PDE4D: variants seen among roughly 807,000 people sequenced by gnomAD.
PDE4D encodes the protein 3',5'-cyclic-AMP phosphodiesterase 4D.
In PDE4D, 24 loss-of-function variants were observed where a neutral mutation model predicts 87.4. The observed-to-expected ratio is 0.27, with a 90% confidence interval of 0.20 to 0.39. The LOEUF (loss-of-function observed/expected upper bound fraction) is 0.39. PDE4D is among the 10% of genes least tolerant of loss of function. The pLI is 1.00. For missense variants in PDE4D, 714 were observed against 1,041.0 expected, an observed-to-expected ratio of 0.69 and a Z score of 4.32; for synonymous variants, 384 against 383.2, an observed-to-expected ratio of 1.00 and a Z score of -0.02.
intron 2 of PDE4D, among the ~76,000 whole-genome samples, chr5:60,071,787 T>C (rs950630213): frequency 1.3e-5 from 2 of 152,166 alleles, no homozygotes; most frequent in African/African-American, 2.4e-5. Flanking sequence ...TTTCTGTTCC[T>C]GCATTAGTTT....
intron 1 of PDE4D, among the ~76,000 whole-genome samples, chr5:59,802,320 G>T (rs1561685288): frequency 6.6e-6 from 1 of 151,000 alleles, no homozygotes; most frequent in African/African-American, 2.4e-5. Flanking sequence ...TACATACTTT[G>T]AAGCAGGAAA....
At chr5:60,468,586 TC>T (rs1466777706) in intron 1 of PDE4D, among the ~76,000 whole-genome samples, 2 of 152,048 alleles carry the variant, frequency 1.3e-5, no homozygotes, top group Non-Finnish European at 2.9e-5. Context: ...ATGTCATAGG[TC>T]ATCACACACA....
Position 59,479,641 on chromosome 5 carries a change from T to C in PDE4D, c.456-263673A>G, listed in dbSNP as rs114455257. 6.4e-3 allele frequency among the ~76,000 whole-genome samples: 967 copies of C among 152,102 alleles called. 26 individuals carry two copies. The East Asian group carries it at 0.074, about 12-fold the overall frequency. ...AGATCATCACATGTATCAGAGATCA[T>C]CACATGTAGTAAGAGTAAGCAGGAT... On this transcript the variant is annotated intron_variant, in intron 1 of 14. Transcript: ENST00000340635.
intron 1 of PDE4D, among the ~76,000 whole-genome samples, chr5:59,726,941 G>A (rs901731090): frequency 2.0e-5 from 3 of 151,980 alleles, no homozygotes; most frequent in Non-Finnish European, 4.4e-5. Flanking sequence ...CCTGCTATGT[G>A]CCAGGCAATG....
intron 1 of PDE4D, among the ~76,000 whole-genome samples, chr5:60,510,129 G>A (rs1750505959): frequency 6.6e-6 from 1 of 152,140 alleles, no homozygotes; most frequent in African/African-American, 2.4e-5. Context: ...GGCTCTGCAG[G>A]AGACCAGGGA....
chr5:60,024,675 G>GATGT (rs1766435590), intron 2 of PDE4D, among the ~76,000 whole-genome samples: 2 of 152,096 alleles, frequency 1.3e-5, no homozygotes, highest in African/African-American at 4.8e-5. Flanking sequence ...AAATTTGTAA[G>GATGT]TCATATTTTG....
chr5:59,142,974 T>C (rs1274438316), intron 5 of PDE4D, among the ~76,000 whole-genome samples: 1 of 152,138 alleles, frequency 6.6e-6, no homozygotes, highest in African/African-American at 2.4e-5. Flanking sequence ...CACTGAAAAA[T>C]ATGTTCTAAA....
chr5:59,884,225 ACTGTCT>A (rs1043853239), intron 1 of PDE4D, among the ~76,000 whole-genome samples: 3 of 151,838 alleles, frequency 2.0e-5, no homozygotes, highest in South Asian at 2.1e-4. Flanking sequence ...TATATGTAGT[ACTGTCT>A]CTGTCTCTGT....
chr5:59,020,095 T>A (rs540956800), intron 6 of PDE4D, among the ~76,000 whole-genome samples: 1 of 152,148 alleles, frequency 6.6e-6, no homozygotes, highest in East Asian at 1.9e-4. Context: ...ATTTTCCACA[T>A]GAAATTAGTA....
intron 1 of PDE4D, among the ~76,000 whole-genome samples, chr5:59,485,598 AAT>A (rs1268994914): frequency 6.6e-6 from 1 of 151,480 alleles, no homozygotes; most frequent in Non-Finnish European, 1.5e-5. Flanking sequence ...TATAAATATA[AAT>A]ATATATAAAC....
At chr5:60,218,418 G>A (rs1162396261) in intron 1 of PDE4D, among the ~76,000 whole-genome samples, 1 of 151,824 alleles carries the variant, frequency 6.6e-6, no homozygotes, top group Non-Finnish European at 1.5e-5. Flanking sequence ...TGGTTCAAGT[G>A]GTAGTTATAC....
chr5:59,269,043 C>T (rs759594500), intron 1 of PDE4D, among the ~76,000 whole-genome samples: 4 of 151,910 alleles, frequency 2.6e-5, no homozygotes, highest in Admixed American at 6.6e-5. Context: ...TTTACCTCTC[C>T]TAAAAGGCAA....
At chr5:60,393,110 G>A (rs1762662272) in intron 1 of PDE4D, among the ~76,000 whole-genome samples, 1 of 152,062 alleles carries the variant, frequency 6.6e-6, no homozygotes, top group Non-Finnish European at 1.5e-5. Flanking sequence ...ATAACAGAGG[G>A]GTCAGTCAAT....
At chr5:60,066,367 A>G (rs959947948) in intron 2 of PDE4D, among the ~76,000 whole-genome samples, 3 of 151,854 alleles carry the variant, frequency 2.0e-5, no homozygotes, top group Non-Finnish European at 4.4e-5. Flanking sequence ...TACACAATAT[A>G]TTTTTGCTTG....
rs945851112 is a variant in PDE4D, at chr5:59,647,284, T to A, written c.455+245884A>T. Among the ~76,000 whole-genome samples the A allele has an allele frequency of 6.6e-5, 10 of 152,208 alleles. 1 individual carries two copies. The South Asian group carries it at 2.1e-3, about 32-fold the overall frequency. ...GGTAAACTAAAGCCAAATATAAAAA[T>A]GAAACATATCATCAATGACATCTTC... On this transcript the variant is annotated intron_variant, in intron 1 of 14. Transcript: ENST00000340635.
chr5:59,566,911 T>C (rs1821031194), intron 1 of PDE4D, among the ~76,000 whole-genome samples: 1 of 152,188 alleles, frequency 6.6e-6, no homozygotes, highest in Non-Finnish European at 1.5e-5. Context: ...GGGGTCTTTT[T>C]TTCCTTCTAA....
chr5:59,139,652 TTA>T (rs1433600828), intron 5 of PDE4D, among the ~76,000 whole-genome samples: 45 of 142,594 alleles, frequency 3.2e-4, no homozygotes, highest in African/African-American at 1.3e-3. Context: ...TTTTTTATTT[TTA>T]TTTTTGGTAG....
chr5:59,893,830 G>A (rs1751342725), upstream of PDE4D: 2 of 1,322,400 alleles, frequency 1.5e-6, no homozygotes, highest in Non-Finnish European at 1.9e-6. Flanking sequence ...AACGCGGCAG[G>A]GCTCCTTCCA....
chr5:59,812,878 C>T, intron 1 of PDE4D, among the ~76,000 whole-genome samples: 1 of 152,148 alleles, frequency 6.6e-6, no homozygotes, highest in East Asian at 1.9e-4. Flanking sequence ...GAAGGGATGC[C>T]AGAGGGCAAG....
Sources: gnomAD v4.1 joint callset for allele counts (sites outside exome capture counted in the v4.1 genomes callset) on GRCh38, gnomAD v4.1.1 for gene constraint, MANE v1.5 for transcripts, NCBI Gene and HGNC (gene_info 2026-07-23, HGNC 2026-07-21) for gene names.